Variants in SVIL observed in about 807,000 individuals in gnomAD.
SVIL encodes the protein supervillin.
Under a neutral mutation model 240.4 loss-of-function variants are expected in SVIL, and 101 were observed. The observed-to-expected ratio is 0.42, with a 90% CI of 0.36 to 0.50. The LOEUF (loss-of-function observed/expected upper bound fraction) is 0.50, where lower values mean the gene tolerates loss of function less well. Among genes scored for constraint, SVIL ranks in the 20% least tolerant of loss-of-function variants. The probability of loss-of-function intolerance (pLI) is 0.01; values close to 1 mark genes in which losing one functional copy is unlikely to be tolerated. For missense variants in SVIL, 2,512 were observed against 2,818.7 expected (o/e 0.89, Z 2.46); for synonymous variants, 999 against 1,100.0 (o/e 0.91, Z 1.82).
intron 1 of SVIL, among the ~76,000 whole-genome samples, chr10:29,621,462 G>T (rs1256139446): frequency 6.6e-6 from 1 of 152,240 alleles, no homozygotes; most frequent in Non-Finnish European, 1.5e-5. Context: ...GGAAACAGGG[G>T]CTACCCCGCA....
In SVIL at chr10:29,480,734, A is replaced by G; in HGVS notation, c.5180T>C (p.Leu1727Pro). The G allele has an allele frequency of 1.2e-6, 2 of 1,614,198 alleles. No individual in the cohort carries two copies. Among genetic ancestry groups the G allele is most frequent in the Non-Finnish European group, 1.7e-6 (2 of 1,180,026 alleles). The change falls in exon 29 of 38, where the codon CTG becomes CCG. Residue 1727 changes from leucine to proline, a missense_variant. Around this residue, in one of 3 missense-constraint regions of SVIL, gnomAD observed 797 missense variants for 925.3 expected, o/e 0.86. Coordinates refer to ENST00000355867, the MANE Select transcript of SVIL (RefSeq NM_021738.3). ...SMPQTTAGTI[L>P]DGVNVGRGYG... ...GCCACGGCCGACGTTCACTCCGTCC[A>G]GGATGGTGCCTGCTGTCGTCTGGGG... is the stretch of plus-strand genomic sequence containing the variant.
At chr10:29,519,508 T>A (rs1334894906) in intron 16 of SVIL, among the ~76,000 whole-genome samples, 1 of 152,216 alleles carries the variant, frequency 6.6e-6, no homozygotes, top group Non-Finnish European at 1.5e-5. Context: ...TTTTAAATAG[T>A]TTAAGCTTCA....
chr10:29,713,691 A>G (rs549803326), intron 1 of SVIL, among the ~76,000 whole-genome samples: 1 of 152,318 alleles, frequency 6.6e-6, no homozygotes, highest in Non-Finnish European at 1.5e-5. Flanking sequence ...TATTTACACA[A>G]CAGGTGGCAA....
chr10:29,629,286 C>G (rs1382857407), intron 1 of SVIL, among the ~76,000 whole-genome samples: 1 of 152,072 alleles, frequency 6.6e-6, no homozygotes, highest in Non-Finnish European at 1.5e-5. Context: ...TTGAAAGACT[C>G]CTTCTCCTCC....
At chr10:29,649,598 G>C (rs1017582231) in intron 3 of SVIL, among the ~76,000 whole-genome samples, 5 of 152,040 alleles carry the variant, frequency 3.3e-5, no homozygotes, top group African/African-American at 1.2e-4. Context: ...AAAAATTTTA[G>C]CTTCAAAAAA....
chr10:29,688,564 T>A (rs1961265684), intron 1 of SVIL, among the ~76,000 whole-genome samples: 1 of 152,246 alleles, frequency 6.6e-6, no homozygotes, highest in African/African-American at 2.4e-5. Flanking sequence ...GCTCTTTGCC[T>A]TAGTTTGTTT....
chr10:29,468,538 G>T (rs1945183874), intron 32 of SVIL, among the ~76,000 whole-genome samples: 7 of 150,922 alleles, frequency 4.6e-5, no homozygotes, highest in Admixed American at 4.6e-4. Context: ...AATGTGTAAG[G>T]GTTCCAATTT....
At position 29,484,926 on chromosome 10, in the gene SVIL, G is replaced by A. The variant is rs374825242; in HGVS notation, c.4780-95C>T. ...GTCTCTTGTTGACAGTGAGTCAAAC[G>A]GAGGAAGACAGAAATCCTAACGGGG... On this transcript the variant is annotated intron_variant, in intron 26 of 37. Transcript: ENST00000355867. This position sits in a 1 kb window ranked among gnomAD's most constrained non-coding sequence, Gnocchi z 4.7. 1.8e-5 allele frequency: 24 copies of A among 1,326,438 alleles called. No homozygotes were observed. Among genetic ancestry groups the A allele is most frequent in the African/African-American group, 1.3e-4 (9 of 66,934 alleles). The allele number at this position is 1,326,438 out of a possible 1,614,324, so 82.2% of individuals were successfully genotyped here.
chr10:29,480,633 C>A lies in SVIL; in HGVS notation c.5281G>T (p.Glu1761Ter). 6.2e-7 allele frequency: 1 copy of A among 1,614,204 alleles called. No individual in the cohort carries two copies. The highest frequency in any genetic ancestry group is 1.1e-5 in the South Asian group (1 of 91,088). Residue 1761 changes from glutamate to a stop codon, truncating the protein, a stop_gained, in exon 29 of 38, where the codon GAA (glutamate) becomes TAA (stop). Transcript: ENST00000355867. LOFTEE classifies it high-confidence loss of function. ...TTGGGGAGCCTGCTATAGTCGAATTCCAGGATGTGCCAGACATCCACGGAA... is the reference window on the plus strand; with the variant it reads ...TTGGGGAGCCTGCTATAGTCGAATTACAGGATGTGCCAGACATCCACGGAA... ...SVSVDVWHILEFDYSRLPKQS... is the reference protein window; with the variant it reads ...SVSVDVWHIL
At chr10:29,537,519 G>A (rs751549588) in intron 6 of SVIL, among the ~76,000 whole-genome samples, 1 of 152,152 alleles carries the variant, frequency 6.6e-6, no homozygotes, top group Non-Finnish European at 1.5e-5. Flanking sequence ...GGAACACTCA[G>A]ATTACTGCCC....
intron 1 of SVIL, among the ~76,000 whole-genome samples, chr10:29,729,966 A>G (rs1964525746): frequency 6.6e-6 from 1 of 150,996 alleles, no homozygotes; most frequent in Non-Finnish European, 1.5e-5. Flanking sequence ...AGGCAGAAGG[A>G]TCACTTGAGC....
chr10:29,565,614 G>C (rs923103862), intron 2 of SVIL, among the ~76,000 whole-genome samples: 4 of 152,026 alleles, frequency 2.6e-5, no homozygotes, highest in African/African-American at 9.7e-5. Context: ...ATCACCCAAA[G>C]TATATTACAC....
chr10:29,575,630 C>T lies in SVIL; in HGVS notation c.-200-6318G>A, dbSNP rs183277126. Among the ~76,000 whole-genome samples, 73 of 152,220 alleles carry T rather than the reference C, an allele frequency of 4.8e-4. No homozygotes were observed. The Middle Eastern group carries it at 0.014, about 28-fold the overall frequency. On this transcript the variant is annotated intron_variant, in intron 1 of 37. Transcript: ENST00000355867. ...TCTCTCACTGGATGATTTAGTAAGCCCTACTGGTGCTATTCTATTGAGTGG... is the reference window on the plus strand; with the variant it reads ...TCTCTCACTGGATGATTTAGTAAGCTCTACTGGTGCTATTCTATTGAGTGG...
intron 17 of SVIL, among the ~76,000 whole-genome samples, chr10:29,500,168 G>A (rs958171255): frequency 2.3e-4 from 35 of 152,082 alleles, no homozygotes; most frequent in South Asian, 2.1e-4. Context: ...AGAGGACAGG[G>A]CTCATGCCAC....
intron 2 of SVIL, among the ~76,000 whole-genome samples, chr10:29,664,668 T>C (rs1292338965): frequency 2.0e-5 from 3 of 149,576 alleles, no homozygotes. Flanking sequence ...ATTTTATATT[T>C]CGTAATTTTA....
chr10:29,628,620 A>G (rs1957965623), intron 1 of SVIL, among the ~76,000 whole-genome samples: 1 of 152,234 alleles, frequency 6.6e-6, no homozygotes, highest in Non-Finnish European at 1.5e-5. Flanking sequence ...GTCTTCGCCC[A>G]GAACCGAATT....
chr10:29,717,951 CATT>C (rs1589571193), intron 1 of SVIL, among the ~76,000 whole-genome samples: 2 of 152,178 alleles, frequency 1.3e-5, no homozygotes, highest in Non-Finnish European at 2.9e-5. Flanking sequence ...AAAAATGTCT[CATT>C]AATATTTTTA....
intron 3 of SVIL, among the ~76,000 whole-genome samples, chr10:29,655,875 T>TTTG (rs1491234252): frequency 2.4e-5 from 1 of 42,206 alleles, no homozygotes; most frequent in Non-Finnish European, 5.0e-5. Context: ...TATGTGTGGG[T>TTTG]TTTTTTTTTT....
chr10:29,647,266 T>C (rs1346006427), intron 3 of SVIL: 1 of 152,236 alleles, frequency 6.6e-6, no homozygotes, highest in Non-Finnish European at 1.5e-5. Flanking sequence ...ACTGGGAAAG[T>C]TGGTCAGGGT....
Sources: allele counts gnomAD v4.1 joint callset (sites outside exome capture counted in the v4.1 genomes callset), GRCh38; gene constraint gnomAD v4.1.1; regional missense constraint gnomAD v4.1.1; non-coding constraint Gnocchi (gnomAD v3.1); transcripts MANE v1.5; gene names NCBI Gene and HGNC (gene_info 2026-07-23, HGNC 2026-07-21).